EYS: variants seen among roughly 807,000 people sequenced by gnomAD.
EYS encodes the protein protein eyes shut homolog.
In EYS, 250 loss-of-function variants were observed where a neutral mutation model predicts 282.1. The ratio of observed to expected loss-of-function variants is 0.89; its 90% CI spans 0.80 to 0.98. The LOEUF (loss-of-function observed/expected upper bound fraction) is 0.98. EYS is among the 50% of genes least tolerant of loss of function. The pLI, the probability that EYS is intolerant of heterozygous loss-of-function variation, is 0.00. For synonymous variants in EYS, 1,355 were observed against 1,282.9 expected, an observed-to-expected ratio of 1.06 and a Z score of -1.20; for missense variants, 4,016 against 3,709.0, an observed-to-expected ratio of 1.08 and a Z score of -2.15.
intron 35 of EYS, among the ~76,000 whole-genome samples, chr6:63,890,165 C>T (rs1773371767): frequency 6.6e-6 from 1 of 151,528 alleles, no homozygotes. Flanking sequence ...AATAATAGCC[C>T]ACTGTCAATA....
intron 33 of EYS, among the ~76,000 whole-genome samples, chr6:64,000,763 G>A (rs2149803867): frequency 6.6e-6 from 1 of 152,184 alleles, no homozygotes; most frequent in South Asian, 2.1e-4. Context: ...AATCTGATAT[G>A]ATCCTTCCAG....
chr6:65,631,948 C>T (rs1766928996), intron 2 of EYS, among the ~76,000 whole-genome samples: 1 of 152,148 alleles, frequency 6.6e-6, no homozygotes, highest in African/African-American at 2.4e-5. Flanking sequence ...CTTTAGTTCT[C>T]ACATCACTCT....
chr6:63,969,659 T>C (rs984900510), intron 35 of EYS, among the ~76,000 whole-genome samples: 2 of 152,222 alleles, frequency 1.3e-5, no homozygotes, highest in Non-Finnish European at 2.9e-5. Flanking sequence ...TAACTTGATA[T>C]ATTTGCAGTG....
At chr6:64,733,099 C>G (rs751248312) in intron 22 of EYS, 1 of 152,204 alleles carries the variant, frequency 6.6e-6, no homozygotes, top group Non-Finnish European at 1.5e-5. Context: ...GCACACATTC[C>G]TGAGCCCTGG....
rs183684929 is a variant in EYS at position 65,219,901 on chromosome 6, G to C, written c.2023+75962C>G. Among the ~76,000 whole-genome samples the C allele has an allele frequency of 1.4e-3, 218 of 152,214 alleles. 1 individual carries two copies. Among genetic ancestry groups the C allele is most frequent in the African/African-American group, 4.6e-3 (193 of 41,556 alleles). On this transcript the variant is annotated intron_variant, in intron 12 of 42. Coordinates refer to ENST00000503581, the MANE Select transcript of EYS (RefSeq NM_001142800.2). ...AGGCTTATTCACTACCATGAGAACA[G>C]TATGGGGAAAACTGCCCCCATGATT...
Position 65,011,983 on chromosome 6 carries a change from A to G in EYS, c.2138-14280T>C, listed in dbSNP as rs139252878. On this transcript the variant is annotated intron_variant, in intron 13 of 42. Transcript: ENST00000503581. ...TGCAACAGCAAAAAAAAGAAAGTAG[A>G]TTATTAACAATTTGATGCTCCCTAT... 1.3e-5 allele frequency among the ~76,000 whole-genome samples: 2 copies of G among 152,328 alleles called. 1 individual carries two copies. Among genetic ancestry groups the G allele is most frequent in the Non-Finnish European group, 2.9e-5 (2 of 68,032 alleles).
chr6:65,256,465 T>A, intron 12 of EYS, among the ~76,000 whole-genome samples: 1 of 129,446 alleles, frequency 7.7e-6, no homozygotes, highest in African/African-American at 3.1e-5. Flanking sequence ...TTCCCCTTCC[T>A]GTGTCCATGC....
At chr6:64,728,027 G>A (rs1771818595) in intron 22 of EYS, among the ~76,000 whole-genome samples, 1 of 152,148 alleles carries the variant, frequency 6.6e-6, no homozygotes, top group Admixed American at 6.5e-5. Context: ...GGAACTAGCT[G>A]GCTGCTTCTT....
chr6:65,461,709 T>A (rs995023507), intron 5 of EYS, among the ~76,000 whole-genome samples: 4 of 152,124 alleles, frequency 2.6e-5, no homozygotes, highest in Non-Finnish European at 5.9e-5. Flanking sequence ...ATTTTAAATA[T>A]AATCGTTAAA....
At chr6:64,062,852 T>A (rs1771225858) in intron 33 of EYS, among the ~76,000 whole-genome samples, 1 of 152,178 alleles carries the variant, frequency 6.6e-6, no homozygotes. Context: ...ACTTTACCTC[T>A]TTTTATACTT....
intron 31 of EYS, among the ~76,000 whole-genome samples, chr6:64,165,113 G>T (rs1764243653): frequency 1.3e-5 from 2 of 151,810 alleles, no homozygotes; most frequent in South Asian, 4.1e-4. Flanking sequence ...CTATAAGTAG[G>T]GTCATAAAAC....
intron 12 of EYS, among the ~76,000 whole-genome samples, chr6:65,194,849 AGTT>A (rs1765726956): frequency 2.1e-5 from 3 of 142,648 alleles, no homozygotes; most frequent in Admixed American, 2.1e-4. Context: ...CATGTTTGCC[AGTT>A]GTTTTTTTTT....
At chr6:63,761,824 CT>C (rs1325193944) in intron 41 of EYS, among the ~76,000 whole-genome samples, 1 of 151,978 alleles carries the variant, frequency 6.6e-6, no homozygotes, top group East Asian at 1.9e-4. Flanking sequence ...ACTTCCTTAA[CT>C]GGGAGTTTCC....
intron 26 of EYS, among the ~76,000 whole-genome samples, chr6:64,486,444 G>A (rs190234125): frequency 1.3e-5 from 2 of 151,448 alleles, no homozygotes; most frequent in East Asian, 1.9e-4. Context: ...TATTTTTAAA[G>A]AGGTAGCATT....
At chr6:65,623,394 A>G (rs1197735509) in intron 2 of EYS, among the ~76,000 whole-genome samples, 1 of 152,214 alleles carries the variant, frequency 6.6e-6, no homozygotes, top group East Asian at 1.9e-4. Context: ...CCTTGAAATG[A>G]ACTACATTAA....
intron 31 of EYS, among the ~76,000 whole-genome samples, chr6:64,134,270 G>T (rs545221749): frequency 5.9e-5 from 9 of 152,028 alleles, no homozygotes; most frequent in African/African-American, 2.2e-4. Context: ...GATGAGGAAG[G>T]CCTTTTCAGT....
intron 14 of EYS, among the ~76,000 whole-genome samples, chr6:64,963,975 C>T (rs1770013728): frequency 6.6e-6 from 1 of 152,052 alleles, no homozygotes; most frequent in African/African-American, 2.4e-5. Context: ...ACACTACCTA[C>T]TTTTAAGCAA....
intron 12 of EYS, among the ~76,000 whole-genome samples, chr6:65,236,476 T>C (rs1766927326): frequency 6.6e-6 from 1 of 152,010 alleles, no homozygotes; most frequent in African/African-American, 2.4e-5. Context: ...CCGGGCATGG[T>C]GGTGCACGCT....
intron 9 of EYS, among the ~76,000 whole-genome samples, chr6:65,352,550 G>T (rs1764323087): frequency 6.6e-6 from 1 of 151,824 alleles, no homozygotes; most frequent in Non-Finnish European, 1.5e-5. Context: ...CACAAGTGCT[G>T]GAATGATTTC....
Sources: allele counts gnomAD v4.1 joint callset (sites outside exome capture counted in the v4.1 genomes callset), GRCh38; gene constraint gnomAD v4.1.1; transcripts MANE v1.5; gene names NCBI Gene and HGNC (gene_info 2026-07-23, HGNC 2026-07-21).